Variants in ZFC3H1 observed in about 807,000 individuals in gnomAD.
ZFC3H1 encodes the protein zinc finger C3H1-type containing.
ZFC3H1 carries 71 observed loss-of-function variants against 243.7 expected under a neutral mutation model. That is an observed-to-expected ratio of 0.29 (90% confidence interval 0.24 to 0.36). The LOEUF (loss-of-function observed/expected upper bound fraction) is 0.36. Ranked by LOEUF, ZFC3H1 falls within the 10% of genes least tolerant of loss-of-function variation. The probability of loss-of-function intolerance (pLI) is 1.00; values close to 1 mark genes in which losing one functional copy is unlikely to be tolerated. For missense variants in ZFC3H1, 1,966 were observed against 2,317.1 expected, an observed-to-expected ratio of 0.85 and a Z score of 3.11; for synonymous variants, 838 against 813.0, an observed-to-expected ratio of 1.03 and a Z score of -0.52.
chr12:71,632,830 A>T, intron 14 of ZFC3H1, 56 bp downstream of exon 14: 2 of 1,592,554 alleles, frequency 1.3e-6, no homozygotes, highest in Non-Finnish European at 1.7e-6. Flanking sequence ...TACCCTTAAA[A>T]CTATCATAAA....
chr12:71,656,851 A>T, intron 2 of ZFC3H1, 34 bp downstream of exon 2: 1 of 1,565,170 alleles, frequency 6.4e-7, no homozygotes, highest in South Asian at 1.2e-5. Flanking sequence ...GAGGAAGAAG[A>T]GTCATTACTA....
At chr12:71,651,345 T>G (rs1013702536) in intron 2 of ZFC3H1, among the ~76,000 whole-genome samples, 2 of 152,220 alleles carry the variant, frequency 1.3e-5, no homozygotes, top group Non-Finnish European at 2.9e-5. Context: ...CTGCAACCTG[T>G]ATCCTCAATA....
intron 2 of ZFC3H1, 74 bp from the exon 3 acceptor site, chr12:71,647,887 T>A: frequency 1.8e-6 from 1 of 561,050 alleles, no homozygotes; most frequent in Non-Finnish European, 2.9e-6. Context: ...TCCTATATAA[T>A]ATCTGGTAAT....
chr12:71,633,078 C>A, intron 13 of ZFC3H1, 61 bp from the exon 14 acceptor site: 1 of 1,519,114 alleles, frequency 6.6e-7, no homozygotes, highest in Admixed American at 2.5e-5. Flanking sequence ...GAAATTTCTT[C>A]TTCTCAAACA....
intron 31 of ZFC3H1, 103 bp downstream of exon 31, chr12:71,613,232 T>C (rs377495231): frequency 6.3e-5 from 47 of 745,112 alleles, no homozygotes; most frequent in Admixed American, 2.0e-4. Context: ...CATGAGGACA[T>C]AGTGGAACAA....
chr12:71,655,058 C>T (rs1277950386), intron 2 of ZFC3H1, among the ~76,000 whole-genome samples: 1 of 152,000 alleles, frequency 6.6e-6, no homozygotes, highest in African/African-American at 2.4e-5. Context: ...ACTGATCAAG[C>T]ATATCAAAAA....
chr12:71,629,641 A>G lies in ZFC3H1; in HGVS notation c.3794T>C (p.Leu1265Pro), dbSNP rs1880270303. 3 of 1,613,132 alleles carry G rather than the reference A, an allele frequency of 1.9e-6. No individual in the cohort carries two copies. Residue 1265 changes from leucine to proline, a missense_variant, in exon 19 of 35, where the codon CTT (leucine) becomes CCT (proline). Around this residue, in one of 4 missense-constraint regions of ZFC3H1, gnomAD observed 1,383 missense variants for 1,723.7 expected, o/e 0.80. Transcript: ENST00000378743. ...RMSMDQMAVL[L>P]VSNINESKGH... ...TTTACTTTCATTGATATTGCTAACAAGGAGAACAGCCATCTGGTCCATTGA... is the reference window on the plus strand; with the variant it reads ...TTTACTTTCATTGATATTGCTAACAGGGAGAACAGCCATCTGGTCCATTGA...
chr12:71,638,531 T>C lies in ZFC3H1; in HGVS notation c.1628-16A>G. ...GGTGAAGGAGCTGTAAAAAAATTTT[T>C]TGTTAAGAGTTTAATAACAGAAATA... On this transcript the variant is annotated splice_polypyrimidine_tract_variant and intron_variant, in intron 6 of 34. Transcript: ENST00000378743. 1 of 1,577,498 alleles carries C rather than the reference T, an allele frequency of 6.3e-7. No individual in the cohort carries two copies. Among genetic ancestry groups the C allele is most frequent in the Non-Finnish European group, 8.6e-7 (1 of 1,163,402 alleles).
At position 71,627,737 on chromosome 12, in the gene ZFC3H1, T is replaced by C. The variant is rs768537159; in HGVS notation, c.4130+14A>G. 4 of 1,599,118 alleles carry C rather than the reference T, an allele frequency of 2.5e-6. No individual in the cohort carries two copies. In the South Asian group the frequency reaches 4.5e-5, roughly 18 times the overall value. ...ATGTGCAACTGTTTACACAAAGATT[T>C]GAAGTTGACCTACCCCTCATTTTGA... On this transcript the variant is annotated intron_variant, in intron 21 of 34. Transcript: ENST00000378743.
intron 21 of ZFC3H1, among the ~76,000 whole-genome samples, chr12:71,627,320 A>G (rs1459770423): frequency 6.6e-6 from 1 of 152,190 alleles, no homozygotes; most frequent in Non-Finnish European, 1.5e-5. Flanking sequence ...AAAATTCACC[A>G]TAATTTGGAA....
chr12:71,618,953 C>T (rs553370313), intron 27 of ZFC3H1, among the ~76,000 whole-genome samples: 1 of 152,150 alleles, frequency 6.6e-6, no homozygotes, highest in East Asian at 1.9e-4. Context: ...CTTTGATGAC[C>T]TATCAAATAA....
At chr12:71,651,849 G>A (rs538394732) in intron 2 of ZFC3H1, among the ~76,000 whole-genome samples, 29 of 152,268 alleles carry the variant, frequency 1.9e-4, no homozygotes, top group Non-Finnish European at 4.1e-4. Flanking sequence ...AATAAAGCAA[G>A]GTCCCAGAGA....
At chr12:71,631,010 C>T in intron 16 of ZFC3H1, 56 bp from the exon 17 acceptor site, 1 of 1,442,294 alleles carries the variant, frequency 6.9e-7, no homozygotes, top group South Asian at 1.7e-5. Context: ...CCTCAGAAAA[C>T]TAAGAAAACT....
At chr12:71,659,411 TAA>T (rs1166596700) in intron 1 of ZFC3H1, among the ~76,000 whole-genome samples, 1 of 152,214 alleles carries the variant, frequency 6.6e-6, no homozygotes, top group Non-Finnish European at 1.5e-5. Flanking sequence ...GCTTTGTGTC[TAA>T]GTTTGTCTGT....
chr12:71,611,452 A>AG (rs35784060), intron 32 of ZFC3H1: 111,165 of 174,572 alleles, frequency 0.64, 39,447 homozygotes, highest in Non-Finnish European at 0.79. Flanking sequence ...AGACTACAAC[A>AG]GGTGACACAC....
At chr12:71,649,091 CAAA>C (rs35231608) in intron 2 of ZFC3H1, among the ~76,000 whole-genome samples, 10 of 89,812 alleles carry the variant, frequency 1.1e-4, no homozygotes, top group Non-Finnish European at 1.4e-4. Flanking sequence ...ACTCTTGTCT[CAAA>C]AAAAAAAAAA....
At chr12:71,621,414 C>T (rs1415016298) in intron 24 of ZFC3H1, among the ~76,000 whole-genome samples, 1 of 151,936 alleles carries the variant, frequency 6.6e-6, no homozygotes, top group Admixed American at 6.6e-5. Flanking sequence ...GGCAATTATC[C>T]TGCCTCAGCC....
chr12:71,615,984 T>C (rs79904286), intron 27 of ZFC3H1, among the ~76,000 whole-genome samples: 2,943 of 152,248 alleles, frequency 0.019, 47 homozygotes, highest in Non-Finnish European at 0.03. Context: ...ATCTGTACTT[T>C]CTTGTTAAAA....
chr12:71,630,495 C>G (rs1592591349), intron 18 of ZFC3H1, 105 bp downstream of exon 18: 1 of 1,398,386 alleles, frequency 7.2e-7, no homozygotes, highest in East Asian at 2.4e-5. Context: ...TGGGTAAATA[C>G]ACTGAATTAT....
Sources: gnomAD v4.1 joint callset for allele counts (sites outside exome capture counted in the v4.1 genomes callset) on GRCh38, gnomAD v4.1.1 for gene constraint, gnomAD v4.1.1 regional missense constraint, MANE v1.5 for transcripts, NCBI Gene and HGNC (gene_info 2026-07-23, HGNC 2026-07-21) for gene names.